ADGRA2: variants seen among roughly 807,000 people sequenced by gnomAD.
The protein encoded by ADGRA2 is G-protein coupled receptor 124.
ADGRA2 carries 61 observed loss-of-function variants against 98.7 expected under a neutral mutation model. The observed-to-expected ratio is 0.62, with a 90% CI of 0.50 to 0.76. The LOEUF (loss-of-function observed/expected upper bound fraction) is 0.76. Ranked by LOEUF, ADGRA2 falls within the 30% of genes least tolerant of loss-of-function variation. ADGRA2 has a pLI of 0.00. For synonymous variants in ADGRA2, 858 were observed against 831.5 expected, an observed-to-expected ratio of 1.03 and a Z score of -0.55; for missense variants, 1,712 against 1,860.0, an observed-to-expected ratio of 0.92 and a Z score of 1.46.
At position 37,835,170 on chromosome 8, in the gene ADGRA2, C is replaced by A; in HGVS notation, c.1609-4C>A. ...TGGTGGGATGACAAGGTCCCTGTCC[C>A]CAGAATGCGAGGAACGTGGCATTGG... is the stretch of plus-strand genomic sequence containing the variant. On this transcript the variant is annotated splice_region_variant and splice_polypyrimidine_tract_variant and intron_variant, in intron 11 of 18. Transcript: ENST00000412232. The A allele has an allele frequency of 6.2e-7, 1 of 1,610,868 alleles. No individual in the cohort carries two copies. Among genetic ancestry groups the A allele is most frequent in the South Asian group, 1.1e-5 (1 of 90,908 alleles).
Position 37,802,264 on chromosome 8 carries a change from C to T in ADGRA2, c.266+4730C>T, listed in dbSNP as rs967006214. On this transcript the variant is annotated intron_variant, in intron 1 of 18. Transcript: ENST00000412232. The surrounding 1 kb of genome is among the most constrained non-coding windows in gnomAD (Gnocchi z 4.7). ...AATTTGGGCAAAGTGTGCCAAGCGT[C>T]GTGCACATGGCCCGAGGGCAGGACA... is the stretch of plus-strand genomic sequence containing the variant. Among the ~76,000 whole-genome samples the T allele has an allele frequency of 6.6e-6, 1 of 152,172 alleles. No individual in the cohort carries two copies.
At chr8:37,833,346 G>A in intron 9 of ADGRA2, 138 bp downstream of exon 9, 1 of 725,642 alleles carries the variant, frequency 1.4e-6, no homozygotes, top group Non-Finnish European at 2.2e-6. Flanking sequence ...AGAGCCAGGA[G>A]CCGGCTCCTC....
intron 2 of ADGRA2, among the ~76,000 whole-genome samples, chr8:37,817,169 T>C (rs1364551289): frequency 6.6e-6 from 1 of 152,048 alleles, no homozygotes; most frequent in South Asian, 2.1e-4. Context: ...CCCCCGAAGC[T>C]GGGAGGAAAG....
rs1377597127 is a variant in ADGRA2, at chr8:37,835,569, G to A, written c.1849G>A (p.Ala617Thr). 20 of 1,612,266 alleles carry A rather than the reference G, an allele frequency of 1.2e-5. No individual in the cohort carries two copies. The highest frequency in any genetic ancestry group is 1.7e-5 in the Non-Finnish European group (20 of 1,178,474). The change falls in exon 13 of 19, where the codon GCC becomes ACC. Residue 617 changes from alanine (A) to threonine (T), a missense_variant. Physicochemically the swap from Ala to Thr is moderately conservative, Grantham distance 58. Coordinates refer to ENST00000412232, the MANE Select transcript of ADGRA2 (RefSeq NM_032777.10). ...GTCCCCCCAGAACAGCGTGGCCCTG[G>A]CCTCCATCCAGCTGCCCCCGAGTCT... ...SFHIKNSVAL[A>T]SIQLPPSLFS...
chr8:37,813,730 C>T (rs552919106), intron 1 of ADGRA2, among the ~76,000 whole-genome samples: 1 of 152,320 alleles, frequency 6.6e-6, no homozygotes, highest in East Asian at 1.9e-4. Context: ...CTTTTCCATG[C>T]TTCCCTCCAT....
Position 37,833,818 on chromosome 8 carries a change from A to T in ADGRA2, c.1427A>T (p.Tyr476Phe). The T allele has an allele frequency of 6.2e-7, 1 of 1,614,176 alleles. No homozygotes were observed. The highest frequency in any genetic ancestry group is 1.1e-5 in the South Asian group (1 of 91,088). ...VAQMIQKFLG[Y>F]VDQIKELVEV... ...CAGATGATCCAGAAATTTTTGGGTT[A>T]TGTCGACCAGATCAAAGAGGTGAGA... Residue 476 changes from tyrosine (Y) to phenylalanine (F), a missense_variant, in exon 10 of 19, where the codon TAT becomes TTT. By Grantham distance (22) the Tyr-to-Phe change is conservative. Coordinates refer to ENST00000412232, the MANE Select transcript of ADGRA2 (RefSeq NM_032777.10).
intron 1 of ADGRA2, among the ~76,000 whole-genome samples, chr8:37,811,638 G>A (rs1804836029): frequency 1.4e-5 from 2 of 147,996 alleles, no homozygotes; most frequent in African/African-American, 2.5e-5. Context: ...CACCACGCCT[G>A]GCTAATTTTG....
rs556862145 is a variant in ADGRA2, at chr8:37,821,018, G to A, written c.338+6051G>A. ...CAGAGCCCTGCAGAAACACCTCCTG[G>A]GCCGCCCAGGGAGTGTACAGAAGAC... On this transcript the variant is annotated intron_variant, in intron 2 of 18. Coordinates refer to ENST00000412232, the MANE Select transcript of ADGRA2 (RefSeq NM_032777.10). Among the ~76,000 whole-genome samples, 5 of 152,194 alleles carry A rather than the reference G, an allele frequency of 3.3e-5. No homozygotes were observed. The South Asian group carries it at 1.0e-3, about 32-fold the overall frequency.
chr8:37,842,191 G>T lies in ADGRA2; in HGVS notation c.3853G>T (p.Ala1285Ser). The stretch of plus-strand genomic sequence containing the variant: ...CCGCGACAGTCTCAAGGGCGGCGGC[G>T]CGCTGGAGAAGGAGAGCCATCGCCG... Reference protein sequence around the residue: ...ASRDSLKGGGALEKESHRRSY... With the variant: ...ASRDSLKGGGSLEKESHRRSY... The change falls in exon 19 of 19, where the codon GCG becomes TCG. Residue 1285 changes from alanine to serine, a missense_variant. Physicochemically the swap from Ala to Ser is moderately conservative, Grantham distance 99. Transcript: ENST00000412232. 1 of 1,540,712 alleles carries T rather than the reference G, an allele frequency of 6.5e-7. No individual in the cohort carries two copies. The highest frequency in any genetic ancestry group is 8.7e-7 in the Non-Finnish European group (1 of 1,144,370).
chr8:37,813,566 C>T (rs1056152350), intron 1 of ADGRA2, among the ~76,000 whole-genome samples: 1 of 152,162 alleles, frequency 6.6e-6, no homozygotes, highest in African/African-American at 2.4e-5. Context: ...CCCCCCTACC[C>T]ATCACTTCCC....
chr8:37,801,488 G>C (rs1160942150), intron 1 of ADGRA2, among the ~76,000 whole-genome samples: 4 of 152,218 alleles, frequency 2.6e-5, no homozygotes, highest in Non-Finnish European at 4.4e-5. Flanking sequence ...CAGCAGCTGA[G>C]GGCTGAGGTT....
Position 37,844,132 on chromosome 8 carries a change from A to G in ADGRA2, c.*1777A>G, listed in dbSNP as rs1336970641. The G allele has an allele frequency of 4.0e-6, 1 of 247,252 alleles. No individual in the cohort carries two copies. The highest frequency in any genetic ancestry group is 8.0e-6 in the Non-Finnish European group (1 of 125,494). The allele number at this position is 247,252 out of a possible 1,614,324, so 15.3% of individuals were successfully genotyped here. ...CTGCTGGGAATGCCAACCACTCCACAAGCAGAGGGAAGCCCCCTCAGGCCT... is the reference window on the plus strand; with the variant it reads ...CTGCTGGGAATGCCAACCACTCCACGAGCAGAGGGAAGCCCCCTCAGGCCT... On this transcript the variant is annotated 3_prime_UTR_variant, in exon 19 of 19. Transcript: ENST00000412232.
Position 37,841,057 on chromosome 8 carries a change from C to T in ADGRA2, c.2748-29C>T, listed in dbSNP as rs780936126. On this transcript the variant is annotated intron_variant, in intron 18 of 18. Transcript: ENST00000412232. The surrounding 1 kb of genome is among the most constrained non-coding windows in gnomAD (Gnocchi z 5.0). ...GCCCCACCCCAGCCATGCCCCCTGTCCTCATCACTGCTTCTGTGTCTCCTA... is the reference window on the plus strand; with the variant it reads ...GCCCCACCCCAGCCATGCCCCCTGTTCTCATCACTGCTTCTGTGTCTCCTA... The T allele has an allele frequency of 2.3e-5, 35 of 1,531,280 alleles. No homozygotes were observed. The highest frequency in any genetic ancestry group is 2.7e-5 in the Non-Finnish European group (31 of 1,129,700). The allele number at this position is 1,531,280 out of a possible 1,614,324, so 94.9% of individuals were successfully genotyped here.
At chr8:37,837,482 C>T (rs1805652575) in intron 13 of ADGRA2, among the ~76,000 whole-genome samples, 1 of 152,208 alleles carries the variant, frequency 6.6e-6, no homozygotes. Context: ...ACTGCTCATC[C>T]AGCACTCAGG....
rs538599849 is a variant in ADGRA2, at chr8:37,810,921, C to A, written c.267-3975C>A. Among the ~76,000 whole-genome samples the A allele has an allele frequency of 1.4e-4, 22 of 151,872 alleles. No homozygotes were observed. In the South Asian group the frequency reaches 2.5e-3, roughly 17 times the overall value. On this transcript the variant is annotated intron_variant, in intron 1 of 18. Transcript: ENST00000412232. The stretch of plus-strand genomic sequence containing the variant: ...CATGAGGTCAGGAGATCAAGACCAT[C>A]CTGGCTAACATAGTGAAACCCCGTC...
chr8:37,844,530 G>C lies in ADGRA2; in HGVS notation c.*2175G>C, dbSNP rs1355241094. ...GACACTCGTGGCAGCCTGTCTAGCA[G>C]CCTGGGCTCTCTGAAAGTCCCTAAC... On this transcript the variant is annotated 3_prime_UTR_variant, in exon 19 of 19. Transcript: ENST00000412232. 2.5e-6 allele frequency: 4 copies of C among 1,613,618 alleles called. No homozygotes were observed. In the Admixed American group the frequency reaches 6.7e-5, roughly 27 times the overall value.
At position 37,830,090 on chromosome 8, in the gene ADGRA2, C is replaced by T; in HGVS notation, c.718+76C>T. 7.3e-6 allele frequency: 7 copies of T among 953,420 alleles called. No individual in the cohort carries two copies. The South Asian group carries it at 1.1e-4, about 15-fold the overall frequency. 59.1% of individuals were successfully genotyped at this position (953,420 alleles called of 1,614,324 possible). On this transcript the variant is annotated intron_variant, in intron 6 of 18. Transcript: ENST00000412232. This position sits in a 1 kb window ranked among gnomAD's most constrained non-coding sequence, Gnocchi z 4.8. Reference sequence around the variant, plus strand: ...CAACCCAGGGCCCAGACACGAGCCTCCCCTCAGACCCACAGGTTTTTACCT... The same window carrying T: ...CAACCCAGGGCCCAGACACGAGCCTTCCCTCAGACCCACAGGTTTTTACCT...
At chr8:37,840,384 CG>C in intron 17 of ADGRA2, 118 bp downstream of exon 17, 1 of 1,132,350 alleles carries the variant, frequency 8.8e-7, no homozygotes, top group South Asian at 1.3e-5. Context: ...TCTCCAAAGA[CG>C]GGGGAGGCTA....
chr8:37,835,858 C>A (rs1805596039), intron 13 of ADGRA2, 88 bp downstream of exon 13: 6 of 786,198 alleles, frequency 7.6e-6, no homozygotes, highest in Non-Finnish European at 1.3e-5. Context: ...TGGCCCACAG[C>A]CCCCCAGTGC....
Sources: gnomAD v4.1 joint callset for allele counts (sites outside exome capture counted in the v4.1 genomes callset) on GRCh38, gnomAD v4.1.1 for gene constraint, Gnocchi (gnomAD v3.1) non-coding constraint, MANE v1.5 for transcripts, NCBI Gene and HGNC (gene_info 2026-07-23, HGNC 2026-07-21) for gene names.